Variants in ANKRD30A observed in about 807,000 individuals in gnomAD.
ANKRD30A encodes ankyrin repeat domain 30A.
In ANKRD30A, 170 loss-of-function variants were observed where a neutral mutation model predicts 166.3. The observed-to-expected ratio is 1.02, with a 90% CI of 0.90 to 1.16. ANKRD30A has a LOEUF of 1.16. Ranked by LOEUF, ANKRD30A falls within the 50% of genes most tolerant of loss-of-function variation. ANKRD30A has a pLI of 0.00. For synonymous variants in ANKRD30A, 564 were observed against 508.9 expected (o/e 1.11, Z -1.46); for missense variants, 1,630 against 1,518.0 (o/e 1.07, Z -1.23).
intron 27 of ANKRD30A, among the ~76,000 whole-genome samples, chr10:37,194,247 GT>G (rs1376394019): frequency 2.0e-5 from 3 of 152,052 alleles, no homozygotes; most frequent in African/African-American, 7.2e-5. Flanking sequence ...TATAGACTAT[GT>G]GTAGAATTTG....
chr10:37,166,019 C>G (rs547039045), intron 18 of ANKRD30A, among the ~76,000 whole-genome samples: 1 of 152,096 alleles, frequency 6.6e-6, no homozygotes, highest in Non-Finnish European at 1.5e-5. Context: ...ACATTCTATT[C>G]AAGCACTTTT....
chr10:37,168,103 A>C (rs1469530999), intron 19 of ANKRD30A, among the ~76,000 whole-genome samples: 1 of 9,158 alleles, frequency 1.1e-4, no homozygotes, highest in Admixed American at 1.1e-3. Flanking sequence ...ATGGTTGTAC[A>C]ATGTTGTTGT....
chr10:37,179,606 T>C (rs1840047649), intron 24 of ANKRD30A, among the ~76,000 whole-genome samples: 2 of 149,040 alleles, frequency 1.3e-5, no homozygotes, highest in South Asian at 4.4e-4. Context: ...ACACTTTTTC[T>C]GATGAGATGT....
intron 9 of ANKRD30A, 131 bp downstream of exon 9, chr10:37,147,588 G>A: frequency 1.9e-6 from 1 of 529,020 alleles, no homozygotes; most frequent in Non-Finnish European, 3.2e-6. Flanking sequence ...GGAGTAAAAT[G>A]ATAAGTTATG....
chr10:37,156,492 C>CACTTACATAG (rs1838395321), intron 13 of ANKRD30A, among the ~76,000 whole-genome samples: 3 of 152,184 alleles, frequency 2.0e-5, no homozygotes, highest in Admixed American at 6.5e-5. Flanking sequence ...ACATAGGATT[C>CACTTACATAG]TTAAGTGCCA....
chr10:37,149,785 T>C lies in ANKRD30A; in HGVS notation c.1581T>C (p.Ile527=). Residue 527 remains isoleucine (I), a synonymous_variant, in exon 11 of 36, where the codon ATT becomes ATC. Coordinates refer to ENST00000361713, the MANE Select transcript of ANKRD30A (RefSeq NM_052997.3). ...CTTCCAACCCCATTTAGCCTGCCAT[T>C]GAAATGCAAAACTCTGTTCCAAATA... The part of the protein sequence containing the change: ...PKKPSAFKPA[I]EMQNSVPNKA... 1 of 1,613,024 alleles carries C rather than the reference T, an allele frequency of 6.2e-7. No individual in the cohort carries two copies. The highest frequency in any genetic ancestry group is 8.5e-7 in the Non-Finnish European group (1 of 1,179,202).
chr10:37,205,104 T>C (rs1402218032), intron 31 of ANKRD30A, among the ~76,000 whole-genome samples: 1 of 152,142 alleles, frequency 6.6e-6, no homozygotes, highest in Non-Finnish European at 1.5e-5. Flanking sequence ...ACTGGTTATA[T>C]ACCCAAAGGA....
chr10:37,257,527 T>G, the ANKRD30A span, among the ~76,000 whole-genome samples: 1 of 152,182 alleles, frequency 6.6e-6, no homozygotes, highest in Non-Finnish European at 1.5e-5. Flanking sequence ...CTTTCTGTTG[T>G]GGGAATTGAG....
At chr10:37,140,717 A>T (rs577642811) in intron 6 of ANKRD30A, among the ~76,000 whole-genome samples, 98 of 152,354 alleles carry the variant, frequency 6.4e-4, no homozygotes, top group Middle Eastern at 3.4e-3. Flanking sequence ...TCAACAAATT[A>T]TAATGAAGTT....
downstream of ANKRD30A, among the ~76,000 whole-genome samples, chr10:37,236,036 G>T (rs531214742): frequency 4.6e-5 from 7 of 152,072 alleles, no homozygotes; most frequent in Admixed American, 3.9e-4. Context: ...CCAAAGTGCC[G>T]GGATTACAGG....
intron 1 of ANKRD30A, 23 bp downstream of exon 1, chr10:37,126,031 G>A: frequency 6.2e-7 from 1 of 1,611,798 alleles, no homozygotes; most frequent in East Asian, 2.2e-5. Flanking sequence ...GCCTGAGCCG[G>A]GGCTGCAGGA....
At chr10:37,193,527 C>T (rs557678361) in intron 27 of ANKRD30A, among the ~76,000 whole-genome samples, 6 of 151,822 alleles carry the variant, frequency 4.0e-5, no homozygotes, top group South Asian at 2.1e-4. Context: ...AATTTCTGTA[C>T]GCGCTTGGTT....
chr10:37,130,535 G>A (rs1455850438), intron 3 of ANKRD30A, among the ~76,000 whole-genome samples, 157 bp downstream of exon 3: 1 of 152,112 alleles, frequency 6.6e-6, no homozygotes, highest in Non-Finnish European at 1.5e-5. Flanking sequence ...AAATATTAAT[G>A]TTTTTACAAG....
chr10:37,247,742 C>A, the ANKRD30A span, among the ~76,000 whole-genome samples: 1 of 149,968 alleles, frequency 6.7e-6, no homozygotes, highest in Non-Finnish European at 1.5e-5. Flanking sequence ...ATTAGCCGGG[C>A]GTGGTGGCGG....
At chr10:37,232,693 TAA>T (rs1491452692), downstream of ANKRD30A, 5 of 9,120 alleles carry the variant, frequency 5.5e-4, no homozygotes, top group African/African-American at 1.2e-3. Flanking sequence ...TATATATATA[TAA>T]ATAGAGAGAG....
At position 37,134,028 on chromosome 10, in the gene ANKRD30A, T is replaced by C; in HGVS notation, c.730T>C (p.Tyr244His). The C allele has an allele frequency of 6.2e-7, 1 of 1,614,020 alleles. No individual in the cohort carries two copies. The highest frequency in any genetic ancestry group is 8.5e-7 in the Non-Finnish European group (1 of 1,179,948). ...TATATGTGGAGTAACTGCAGAACAT[T>C]ATGCTGTTACTTGTGGATTTCATCA... The part of the protein sequence containing the change: ...ADICGVTAEH[Y>H]AVTCGFHHIH... Residue 244 changes from tyrosine (Y) to histidine (H), a missense_variant, in exon 5 of 36, where the codon TAT (tyrosine) becomes CAT (histidine). Tyr to His is a moderately conservative substitution (Grantham distance 83). Coordinates refer to ENST00000361713, the MANE Select transcript of ANKRD30A (RefSeq NM_052997.3).
chr10:37,166,172 C>G (rs3120828), intron 18 of ANKRD30A, among the ~76,000 whole-genome samples: 127 of 152,196 alleles, frequency 8.3e-4, no homozygotes, highest in African/African-American at 2.0e-3. Flanking sequence ...ATTTTTAACA[C>G]TAAACAGTTC....
chr10:37,216,127 C>T (rs1842592858), intron 31 of ANKRD30A, 54 bp from the exon 32 acceptor site: 1 of 1,325,906 alleles, frequency 7.5e-7, no homozygotes, highest in Non-Finnish European at 1.0e-6. Flanking sequence ...ATATGCAGCC[C>T]TTTATATCCC....
At chr10:37,190,686 A>T (rs986368070) in intron 25 of ANKRD30A, among the ~76,000 whole-genome samples, 3 of 151,796 alleles carry the variant, frequency 2.0e-5, no homozygotes, top group Non-Finnish European at 2.9e-5. Context: ...CTTCGGAAGC[A>T]TTTAGAAAAG....
Sources: gnomAD v4.1 joint callset for allele counts (sites outside exome capture counted in the v4.1 genomes callset) on GRCh38, gnomAD v4.1.1 for gene constraint, MANE v1.5 for transcripts, NCBI Gene and HGNC (gene_info 2026-07-23, HGNC 2026-07-21) for gene names.